The following WDFY3 variants were observed in gnomAD, a reference collection of about 807,000 sequenced individuals.
The protein encoded by WDFY3 is WD repeat and FYVE domain containing 3.
WDFY3 carries 66 observed loss-of-function variants against 409.6 expected under a neutral mutation model. The observed-to-expected ratio is 0.16, with a 90% CI of 0.13 to 0.20. The LOEUF (loss-of-function observed/expected upper bound fraction) is 0.20, where lower values mean the gene tolerates loss of function less well. Among genes scored for constraint, WDFY3 ranks in the 10% least tolerant of loss-of-function variants. The pLI, the probability that WDFY3 is intolerant of heterozygous loss-of-function variation, is 1.00. For synonymous variants in WDFY3, 1,521 were observed against 1,537.1 expected (o/e 0.99, Z 0.25); for missense variants, 3,031 against 4,298.1 (o/e 0.71, Z 8.24).
At chr4:84,678,107 G>T in intron 66 of WDFY3, 61 bp downstream of exon 66, 1 of 1,231,816 alleles carries the variant, frequency 8.1e-7, no homozygotes, top group Non-Finnish European at 1.2e-6. Context: ...TGGAGTATGT[G>T]GCCCTTGGCT....
At chr4:84,692,475 C>G (rs11931033) in intron 59 of WDFY3, among the ~76,000 whole-genome samples, 27,770 of 151,510 alleles carry the variant, frequency 0.18, 4,507 homozygotes, top group African/African-American at 0.43. Context: ...TTAGATAAAA[C>G]ACAGATGTCT....
At position 84,798,006 on chromosome 4, in the gene WDFY3, T is replaced by C. The variant is rs764674300; in HGVS notation, c.2925A>G (p.Pro975=). Residue 975 remains proline, a synonymous_variant, in exon 18 of 68, where the codon CCA becomes CCG. Transcript: ENST00000295888. Reference sequence around the variant, plus strand: ...AATTTCAAAACTTACTTCTCATTTCTGGTTCATAACTCAGTGAACTTGGTT... The same window carrying C: ...AATTTCAAAACTTACTTCTCATTTCCGGTTCATAACTCAGTGAACTTGGTT... ...VHKPSSLSYE[P]EMRSSMITSL... 7 of 1,606,982 alleles carry C rather than the reference T, an allele frequency of 4.4e-6. No individual in the cohort carries two copies. The East Asian group carries it at 8.9e-5, about 21-fold the overall frequency.
intron 25 of WDFY3, among the ~76,000 whole-genome samples, chr4:84,782,729 G>A (rs762175167): frequency 6.6e-6 from 1 of 152,054 alleles, no homozygotes; most frequent in Non-Finnish European, 1.5e-5. Flanking sequence ...CCTTTTTATG[G>A]CTGTATAGTA....
intron 44 of WDFY3, among the ~76,000 whole-genome samples, chr4:84,731,918 T>A (rs1349330685): frequency 6.6e-6 from 1 of 152,212 alleles, no homozygotes; most frequent in African/African-American, 2.4e-5. Flanking sequence ...TGGATTCAAT[T>A]TAAGAAGTGA....
chr4:84,893,063 TG>T (rs1468479226), intron 3 of WDFY3, among the ~76,000 whole-genome samples: 1 of 152,170 alleles, frequency 6.6e-6, no homozygotes, highest in Admixed American at 6.5e-5. Context: ...CCAGTAGAGT[TG>T]GGGAGCAGAA....
At chr4:84,700,268 G>A (rs928748304) in intron 56 of WDFY3, among the ~76,000 whole-genome samples, 4 of 152,136 alleles carry the variant, frequency 2.6e-5, no homozygotes, top group African/African-American at 7.2e-5. Flanking sequence ...GCAGTGGCAC[G>A]AACACGGCTC....
chr4:84,775,964 A>G (rs1288151153), intron 27 of WDFY3, among the ~76,000 whole-genome samples: 1 of 152,054 alleles, frequency 6.6e-6, no homozygotes, highest in Non-Finnish European at 1.5e-5. Context: ...TTAAAAAAAA[A>G]TCTCCAGGCA....
At chr4:84,929,384 C>T (rs998255471) in intron 2 of WDFY3, among the ~76,000 whole-genome samples, 2 of 151,952 alleles carry the variant, frequency 1.3e-5, no homozygotes, top group African/African-American at 4.8e-5. Flanking sequence ...CTCAGATTCC[C>T]GATCAACAAA....
At position 84,778,500 on chromosome 4, in the gene WDFY3, T is replaced by C. The variant is rs766983301; in HGVS notation, c.4518+3A>G. On this transcript the variant is annotated splice_donor_region_variant and intron_variant, in intron 27 of 67. Coordinates refer to ENST00000295888, the MANE Select transcript of WDFY3 (RefSeq NM_014991.6). ...ATATTATCAATTATGCTTATATACA[T>C]ACTTCAAAATCACAGAGGAGGTCCT... 4.4e-6 allele frequency: 7 copies of C among 1,594,966 alleles called. No individual in the cohort carries two copies. Among genetic ancestry groups the C allele is most frequent in the Non-Finnish European group, 6.0e-6 (7 of 1,173,544 alleles).
At chr4:84,903,689 T>G (rs1766631241) in intron 2 of WDFY3, among the ~76,000 whole-genome samples, 1 of 152,170 alleles carries the variant, frequency 6.6e-6, no homozygotes, top group African/African-American at 2.4e-5. Flanking sequence ...AACCTCACCT[T>G]AGAGTTTCAT....
chr4:84,829,084 A>C lies in WDFY3; in HGVS notation c.876T>G (p.Asp292Glu). Reference sequence around the variant, plus strand: ...GAAGTGTTTGGGAAACATCGCTGGAATCTTTGAGGAAACAAGAAAGCCCAG... The same window carrying C: ...GAAGTGTTTGGGAAACATCGCTGGACTCTTTGAGGAAACAAGAAAGCCCAG... Reference protein sequence around the residue: ...MFAGLSCFLKDSSDVSQTLLD... With the variant: ...MFAGLSCFLKESSDVSQTLLD... Residue 292 changes from aspartate to glutamate, a missense_variant, in exon 9 of 68, where the codon GAT becomes GAG. Transcript: ENST00000295888. 1 of 1,613,930 alleles carries C rather than the reference A, an allele frequency of 6.2e-7. No homozygotes were observed. The highest frequency in any genetic ancestry group is 8.5e-7 in the Non-Finnish European group (1 of 1,179,868).
At chr4:84,946,205 C>T (rs1459505504) in intron 1 of WDFY3, among the ~76,000 whole-genome samples, 1 of 152,170 alleles carries the variant, frequency 6.6e-6, no homozygotes, top group Non-Finnish European at 1.5e-5. Flanking sequence ...CAGAAGGTAA[C>T]AGAAATATGT....
intron 12 of WDFY3, among the ~76,000 whole-genome samples, chr4:84,818,124 C>A (rs1753571909): frequency 6.6e-6 from 1 of 152,140 alleles, no homozygotes; most frequent in South Asian, 2.1e-4. Context: ...AAAGCCTTTA[C>A]ACAGATTGAC....
At chr4:84,842,677 G>A (rs1757537170) in intron 5 of WDFY3, among the ~76,000 whole-genome samples, 1 of 151,854 alleles carries the variant, frequency 6.6e-6, no homozygotes, top group African/African-American at 2.4e-5. Flanking sequence ...AGCTACTTGG[G>A]AGACTGAGGC....
At chr4:84,714,726 A>G (rs6839516) in intron 50 of WDFY3, among the ~76,000 whole-genome samples, 80,210 of 151,894 alleles carry the variant, frequency 0.53, 24,081 homozygotes, top group African/African-American at 0.83. Flanking sequence ...CGAGGTGGGC[A>G]GATCACAAGG....
In WDFY3 at chr4:84,836,820, A is replaced by C. The variant is rs1756635653; in HGVS notation, c.576+109T>G. On this transcript the variant is annotated intron_variant, in intron 7 of 67. Transcript: ENST00000295888. ...TATGAGATAAAGTCATACTATCATAAATAAAATGAAATATGAGTTAAAAAA... is the reference window on the plus strand; with the variant it reads ...TATGAGATAAAGTCATACTATCATACATAAAATGAAATATGAGTTAAAAAA... 7 of 978,032 alleles carry C rather than the reference A, an allele frequency of 7.2e-6. No homozygotes were observed. In the East Asian group the frequency reaches 1.9e-4, roughly 26 times the overall value. The allele number at this position is 978,032 out of a possible 1,614,324, so 60.6% of individuals were successfully genotyped here. A position where few individuals can be genotyped will look rare whatever the true frequency, so the allele number is the denominator to read the frequency against.
At chr4:84,714,797 A>C (rs1733558748) in intron 50 of WDFY3, among the ~76,000 whole-genome samples, 1 of 152,090 alleles carries the variant, frequency 6.6e-6, no homozygotes, top group African/African-American at 2.4e-5. Context: ...AAAAATACAA[A>C]AAATAAGCCG....
Position 84,677,286 on chromosome 4 carries a change from C to A in WDFY3, c.10370G>T (p.Gly3457Val), listed in dbSNP as rs752912183. ...AADHWVKDEG[G>V]DSCSGCSVRF... is the part of the protein sequence containing the mutation. ...CACCGAGCAGCCTGAGCAGCTGTCA[C>A]CACCTTCATCCTTCACCCAGTGATC... Residue 3457 changes from glycine to valine, a missense_variant, in exon 67 of 68, where the codon GGT becomes GTT. Coordinates refer to ENST00000295888, the MANE Select transcript of WDFY3 (RefSeq NM_014991.6). The A allele has an allele frequency of 6.2e-7, 1 of 1,614,226 alleles. No individual in the cohort carries two copies. The highest frequency in any genetic ancestry group is 1.7e-5 in the Admixed American group (1 of 60,028).
intron 3 of WDFY3, among the ~76,000 whole-genome samples, chr4:84,868,769 G>A (rs867285830): frequency 6.6e-6 from 1 of 152,060 alleles, no homozygotes; most frequent in Admixed American, 6.6e-5. Flanking sequence ...TCTTGGGAGC[G>A]GAAATTGCAA....
Sources: allele counts gnomAD v4.1 joint callset (sites outside exome capture counted in the v4.1 genomes callset), GRCh38; gene constraint gnomAD v4.1.1; transcripts MANE v1.5; gene names NCBI Gene and HGNC (gene_info 2026-07-23, HGNC 2026-07-21).